The following SCARA5 variants were observed in gnomAD, a reference collection of about 807,000 sequenced individuals.
SCARA5 encodes the protein scavenger receptor class A member 5, also known as scavenger receptor class A, member 5 (putative).
A neutral mutation model predicts 46.3 loss-of-function variants in SCARA5; 45 were observed. That is an observed-to-expected ratio of 0.97 (90% CI 0.76 to 1.24). The LOEUF (loss-of-function observed/expected upper bound fraction) is 1.24, where lower values mean the gene tolerates loss of function less well. SCARA5 is among the 50% of genes most tolerant of loss of function. The pLI is 0.00. For missense variants in SCARA5, 680 were observed against 689.0 expected (o/e 0.99, Z 0.15); for synonymous variants, 333 against 306.5 (o/e 1.09, Z -0.90).
intron 8 of SCARA5, among the ~76,000 whole-genome samples, chr8:27,875,177 C>T (rs62496774): frequency 6.9e-6 from 1 of 145,872 alleles, no homozygotes; most frequent in East Asian, 2.2e-4. Flanking sequence ...CTCTGTTCCT[C>T]CCTCCCTCCC....
At chr8:27,931,999 G>A (rs975280985) in intron 3 of SCARA5, among the ~76,000 whole-genome samples, 1 of 150,756 alleles carries the variant, frequency 6.6e-6, no homozygotes, top group African/African-American at 2.4e-5. Context: ...TTTATTTTAC[G>A]ATGGACTCTC....
chr8:27,987,433 G>A (rs1808720418), intron 2 of SCARA5, 71 bp downstream of exon 2: 3 of 972,928 alleles, frequency 3.1e-6, no homozygotes, highest in African/African-American at 1.6e-5. Flanking sequence ...GCCAAGGTTG[G>A]GTGGTGGTAG....
chr8:27,957,194 G>T (rs1240027448), intron 3 of SCARA5, among the ~76,000 whole-genome samples: 30 of 152,206 alleles, frequency 2.0e-4, no homozygotes, highest in Non-Finnish European at 5.9e-5. Context: ...TCTTAGCAAG[G>T]GTTGGGCACT....
intron 4 of SCARA5, among the ~76,000 whole-genome samples, chr8:27,912,656 C>T (rs909494975): frequency 1.3e-5 from 2 of 152,232 alleles, no homozygotes; most frequent in Non-Finnish European, 2.9e-5. Context: ...GGATGCCCAC[C>T]CCTTTCTCTC....
chr8:27,870,023 T>C lies in SCARA5; in HGVS notation c.*1911A>G, dbSNP rs77769035. The C allele has an allele frequency of 0.05, 7,631 of 152,306 alleles. 274 individuals carry two copies. The highest frequency in any genetic ancestry group is 0.12 in the South Asian group (561 of 4,832). 9.4% of individuals were successfully genotyped at this position (152,306 alleles called of 1,614,324 possible). ...CCTCTGAAGTAGGTATGTAAACTAG[T>C]AGACTTCCATTTTTAAGGTTCACAC... is the stretch of plus-strand genomic sequence containing the variant. On this transcript the variant is annotated 3_prime_UTR_variant, in exon 9 of 9. Coordinates refer to ENST00000354914, the MANE Select transcript of SCARA5 (RefSeq NM_173833.6).
chr8:27,918,741 G>A (rs535106801), intron 4 of SCARA5, among the ~76,000 whole-genome samples: 179 of 8,002 alleles, frequency 0.022, 2 homozygotes, highest in African/African-American at 0.066. Context: ...GAGGAGCAGG[G>A]AAAGGAAGAG....
At chr8:27,991,549 G>A (rs1808786223) in intron 1 of SCARA5, among the ~76,000 whole-genome samples, 1 of 152,140 alleles carries the variant, frequency 6.6e-6, no homozygotes, top group South Asian at 2.1e-4. Context: ...TGGGTAGCAC[G>A]AGCCTCATTT....
intron 8 of SCARA5, 37 bp downstream of exon 8, chr8:27,879,532 C>G: frequency 2.9e-3 from 4,163 of 1,427,190 alleles, no homozygotes; most frequent in Non-Finnish European, 3.7e-3. Context: ...GATGTGCAGG[C>G]CCTCTCCTCA....
rs1327716514 is a variant in SCARA5, at chr8:27,982,242, C to T, written c.112+5262G>A. 5.3e-5 allele frequency among the ~76,000 whole-genome samples: 8 copies of T among 152,094 alleles called. No homozygotes were observed. In the East Asian group the frequency reaches 5.8e-4, roughly 11 times the overall value. On this transcript the variant is annotated intron_variant, in intron 2 of 8. Transcript: ENST00000354914. ...GACACTAACACCTCTCTCTGGCCCTCGGAAAGTGCTGTGGAGGAACCAGGC... is the reference window on the plus strand; with the variant it reads ...GACACTAACACCTCTCTCTGGCCCTTGGAAAGTGCTGTGGAGGAACCAGGC...
At chr8:27,915,165 C>T (rs1203765833) in intron 4 of SCARA5, among the ~76,000 whole-genome samples, 1 of 152,194 alleles carries the variant, frequency 6.6e-6, no homozygotes, top group Non-Finnish European at 1.5e-5. Context: ...GAGCCCCTAT[C>T]ACCTTTACAA....
intron 2 of SCARA5, 85 bp downstream of exon 2, chr8:27,987,419 C>T: frequency 1.2e-6 from 1 of 864,382 alleles, no homozygotes; most frequent in East Asian, 2.4e-5. Context: ...CACTTAAAGG[C>T]AATGCCAAGG....
chr8:27,980,030 C>T (rs1038390566), intron 2 of SCARA5, among the ~76,000 whole-genome samples: 2 of 152,148 alleles, frequency 1.3e-5, no homozygotes, highest in Non-Finnish European at 2.9e-5. Context: ...TTTAGGTAAC[C>T]TTGCACTTGA....
intron 7 of SCARA5, among the ~76,000 whole-genome samples, chr8:27,892,018 T>C (rs753299900): frequency 3.9e-5 from 6 of 152,210 alleles, no homozygotes; most frequent in Non-Finnish European, 8.8e-5. Context: ...GCCTTCCACG[T>C]GGGAAAGACC....
chr8:27,989,281 A>G (rs1419044459), intron 1 of SCARA5, among the ~76,000 whole-genome samples: 1 of 151,674 alleles, frequency 6.6e-6, no homozygotes, highest in East Asian at 1.9e-4. Context: ...GATTACAGGC[A>G]CAAGCCACCA....
chr8:27,915,781 T>A (rs1015554998), intron 4 of SCARA5, among the ~76,000 whole-genome samples: 1 of 151,974 alleles, frequency 6.6e-6, no homozygotes, highest in African/African-American at 2.4e-5. Context: ...GGCCTCAGGA[T>A]CCTCAACTAC....
intron 3 of SCARA5, among the ~76,000 whole-genome samples, chr8:27,923,693 G>A (rs1168061818): frequency 5.9e-5 from 9 of 151,842 alleles, no homozygotes; most frequent in East Asian, 1.9e-4. Flanking sequence ...CTCCTGCCTC[G>A]GCCTCCCAAG....
chr8:27,986,009 C>T (rs527324847), intron 2 of SCARA5, among the ~76,000 whole-genome samples: 1 of 152,308 alleles, frequency 6.6e-6, no homozygotes, highest in South Asian at 2.1e-4. Context: ...TGACCCCTCC[C>T]ACCCCTGAGG....
chr8:27,933,909 C>G (rs1001801893), intron 3 of SCARA5, among the ~76,000 whole-genome samples: 2 of 151,944 alleles, frequency 1.3e-5, no homozygotes. Context: ...GGAAAAAACC[C>G]AGAAATTGAA....
intron 7 of SCARA5, chr8:27,904,295 C>T (rs1015480126): frequency 1.2e-5 from 2 of 171,636 alleles, no homozygotes; most frequent in Non-Finnish European, 1.2e-5. Flanking sequence ...TTTGTGCAAG[C>T]ACCTCTGATG....
Sources: gnomAD v4.1 joint callset for allele counts (sites outside exome capture counted in the v4.1 genomes callset) on GRCh38, gnomAD v4.1.1 for gene constraint, MANE v1.5 for transcripts, NCBI Gene and HGNC (gene_info 2026-07-23, HGNC 2026-07-21) for gene names.